The following MPP1 variants were observed in gnomAD, a reference collection of about 807,000 sequenced individuals.
The protein encoded by MPP1 is 55 kDa erythrocyte membrane protein.
Under a neutral mutation model 38.2 loss-of-function variants are expected in MPP1, and 6 were observed. The ratio of observed to expected loss-of-function variants is 0.16; its 90% CI spans 0.09 to 0.31. The LOEUF (loss-of-function observed/expected upper bound fraction) is 0.31. MPP1 is among the 10% of genes least tolerant of loss of function. MPP1 has a pLI of 1.00. For synonymous variants in MPP1, 153 were observed against 146.3 expected (o/e 1.05, Z -0.33); for missense variants, 293 against 368.9 (o/e 0.79, Z 1.69).
chrX:154,779,001 A>G lies in MPP1; in HGVS notation c.*176T>C. ...TGGGGCCCCATCTATCAGGAGAATC[A>G]ACCCTTCAGGAGCCTGAGCAAGAAG... On this transcript the variant is annotated 3_prime_UTR_variant, in exon 12 of 12. Coordinates refer to ENST00000369534, the MANE Select transcript of MPP1 (RefSeq NM_002436.4). 1 of 463,575 alleles carries G rather than the reference A, an allele frequency of 2.2e-6. No homozygotes were observed. Among genetic ancestry groups the G allele is most frequent in the Non-Finnish European group, 3.5e-6 (1 of 286,776 alleles). The allele number at this position is 463,575 out of a possible 1,213,427, so 38.2% of individuals were successfully genotyped here. A position where few individuals can be genotyped will look rare whatever the true frequency, so the allele number is the denominator to read the frequency against.
At position 154,805,254 on chromosome X, in the gene MPP1, C is replaced by T; in HGVS notation, c.102+18G>A. ...GAGCCCCGGCCCAGCGCCCTTGGGA[C>T]TAGCGGGGCCCGCTCACCTCTGGCC... On this transcript the variant is annotated intron_variant, in intron 1 of 11. Coordinates refer to ENST00000369534, the MANE Select transcript of MPP1 (RefSeq NM_002436.4). 1.7e-6 allele frequency: 2 copies of T among 1,184,838 alleles called. No homozygotes were observed. Among genetic ancestry groups the T allele is most frequent in the Non-Finnish European group, 2.3e-6 (2 of 878,737 alleles).
chrX:154,781,439 A>G, intron 10 of MPP1, 126 bp from the exon 11 acceptor site: 1 of 778,807 alleles, frequency 1.3e-6, no homozygotes, highest in Non-Finnish European at 1.9e-6. Context: ...TTACCCCAAT[A>G]CAACTTTCCA....
intron 8 of MPP1, 67 bp from the exon 9 acceptor site, chrX:154,783,574 CCT>C: frequency 1.1e-6 from 1 of 949,770 alleles, no homozygotes; most frequent in African/African-American, 1.9e-5. Context: ...TACGGATTTT[CCT>C]CTCTCGGCAC....
At chrX:154,801,793 A>C (rs1429225162) in intron 1 of MPP1, among the ~76,000 whole-genome samples, 3 of 95,229 alleles carry the variant, frequency 3.2e-5, no homozygotes, top group South Asian at 4.7e-4. Context: ...AAAACAAAAA[A>C]CAGAAAAAAG....
At chrX:154,781,170 TGGACTGAGGTCCCAGTATGGGCAGGCCC>T (rs2071988890) in intron 11 of MPP1, 41 bp downstream of exon 11, 2 of 972,252 alleles carry the variant, frequency 2.1e-6, no homozygotes, top group East Asian at 6.1e-5. Context: ...GCCAATGACC[TGGACTGAGGTCCCAGTATGGGCAGGCCC>T]GGAGAAAGTG....
chrX:154,789,461 A>C (rs1557267507), intron 5 of MPP1, among the ~76,000 whole-genome samples: 5 of 112,269 alleles, frequency 4.5e-5, no homozygotes, highest in Non-Finnish European at 9.4e-5. Flanking sequence ...ACGGGGCTTT[A>C]TTATTGCTAT....
chrX:154,781,113 T>C lies in MPP1; in HGVS notation c.1224+126A>G, dbSNP rs782140604. On this transcript the variant is annotated intron_variant, in intron 11 of 11. Coordinates refer to ENST00000369534, the MANE Select transcript of MPP1 (RefSeq NM_002436.4). ...TGCATACCCTTTGGCTTCTTGGCCC[T>C]GGAGGAAGAAGCCCAGCTGGAGCTG... 9 of 599,018 alleles carry C rather than the reference T, an allele frequency of 1.5e-5. No individual in the cohort carries two copies. The Admixed American group carries it at 2.1e-4, about 14-fold the overall frequency. The allele number at this position is 599,018 out of a possible 1,213,427, so 49.4% of individuals were successfully genotyped here.
chrX:154,782,834 C>T (rs1426675066), intron 9 of MPP1: 1 of 112,284 alleles, frequency 8.9e-6, no homozygotes, highest in Non-Finnish European at 1.9e-5. Context: ...CTTCGAAGAG[C>T]CTATTGACAA....
chrX:154,801,113 C>T (rs2072256627), intron 1 of MPP1, among the ~76,000 whole-genome samples: 1 of 112,315 alleles, frequency 8.9e-6, no homozygotes, highest in African/African-American at 3.2e-5. Context: ...TTAGAGACAA[C>T]TCACTGCTTA....
At chrX:154,801,787 C>CA (rs782548268) in intron 1 of MPP1, among the ~76,000 whole-genome samples, 4 of 67,071 alleles carry the variant, frequency 6.0e-5, no homozygotes, top group African/African-American at 1.3e-4. Context: ...AAAAAAAAAA[C>CA]AAAAAACAGA....
intron 5 of MPP1, 59 bp downstream of exon 5, chrX:154,789,895 A>G (rs2072120701): frequency 2.3e-6 from 2 of 852,553 alleles, no homozygotes; most frequent in Non-Finnish European, 3.4e-6. Flanking sequence ...TTCAAAGAAT[A>G]TAAGACAACA....
intron 7 of MPP1, 48 bp from the exon 8 acceptor site, chrX:154,784,156 A>C (rs781786524): frequency 9.7e-7 from 1 of 1,030,830 alleles, no homozygotes. Flanking sequence ...AGCTAGGGAG[A>C]ACAGTGGTCC....
At chrX:154,804,840 G>A (rs1209946166) in intron 1 of MPP1, 3 of 344,366 alleles carry the variant, frequency 8.7e-6, no homozygotes, top group Non-Finnish European at 1.7e-5. Context: ...AAATGAAGAG[G>A]AACAGTGAGT....
rs2072058060 is a variant in MPP1, at chrX:154,785,215, C to A, written c.678-58G>T. 3.3e-6 allele frequency: 3 copies of A among 911,634 alleles called. No homozygotes were observed. In the African/African-American group the frequency reaches 6.2e-5, roughly 19 times the overall value. 75.1% of individuals were successfully genotyped at this position (911,634 alleles called of 1,213,427 possible). ...TCCTCCCCCTCCCCTCATACCCCCC[C>A]CAGCCACTCAGTCTCTAATGGCACC... On this transcript the variant is annotated intron_variant, in intron 6 of 11. Transcript: ENST00000369534.
At chrX:154,800,010 A>G in intron 1 of MPP1, 1 of 559,526 alleles carries the variant, frequency 1.8e-6, no homozygotes, top group Non-Finnish European at 2.7e-6. Context: ...ATTAAGTGAC[A>G]GTGAACATAG....
At chrX:154,791,713 A>T in intron 3 of MPP1, 56 bp downstream of exon 3, 1 of 1,048,010 alleles carries the variant, frequency 9.5e-7, no homozygotes, top group Non-Finnish European at 1.3e-6. Flanking sequence ...ACCACTGAAC[A>T]GGGAGTAAAT....
At chrX:154,802,896 C>G (rs1435856237) in intron 1 of MPP1, among the ~76,000 whole-genome samples, 2 of 112,256 alleles carry the variant, frequency 1.8e-5, no homozygotes, top group Admixed American at 9.4e-5. Context: ...TTTATAATTT[C>G]TATTGAAGCC....
chrX:154,787,835 C>T (rs1194854023), intron 5 of MPP1, among the ~76,000 whole-genome samples: 4 of 112,503 alleles, frequency 3.6e-5, no homozygotes, highest in East Asian at 2.8e-4. Context: ...CACTGGGATA[C>T]TGTGAAGATG....
intron 6 of MPP1, among the ~76,000 whole-genome samples, chrX:154,785,537 C>T (rs1557267123): frequency 8.9e-6 from 1 of 111,849 alleles, no homozygotes; most frequent in East Asian, 2.8e-4. Context: ...ACACACACCC[C>T]ACATATATAT....
Sources: gnomAD v4.1 joint callset for allele counts (sites outside exome capture counted in the v4.1 genomes callset) on GRCh38, gnomAD v4.1.1 for gene constraint, MANE v1.5 for transcripts, NCBI Gene and HGNC (gene_info 2026-07-23, HGNC 2026-07-21) for gene names.